NID2: variants seen among roughly 807,000 people sequenced by gnomAD.
NID2 encodes nidogen-2.
A neutral mutation model predicts 145.4 loss-of-function variants in NID2; 83 were observed. The ratio of observed to expected loss-of-function variants is 0.57; its 90% CI spans 0.48 to 0.69. The LOEUF (loss-of-function observed/expected upper bound fraction) is 0.69, where lower values mean the gene tolerates loss of function less well. Ranked by LOEUF, NID2 falls within the 30% of genes least tolerant of loss-of-function variation. NID2 has a pLI of 0.00. For synonymous variants in NID2, 739 were observed against 701.3 expected (o/e 1.05, Z -0.85); for missense variants, 1,807 against 1,765.7 (o/e 1.02, Z -0.42).
At chr14:52,033,346 T>C (rs1032649330) in intron 9 of NID2, among the ~76,000 whole-genome samples, 1 of 152,104 alleles carries the variant, frequency 6.6e-6, no homozygotes, top group Non-Finnish European at 1.5e-5. Context: ...ACCCGTGAAG[T>C]GGAAGGACAG....
At chr14:52,057,556 AGCCGGGTGTGGTGGTGGGC>A (rs1296952623) in intron 3 of NID2, among the ~76,000 whole-genome samples, 1 of 151,748 alleles carries the variant, frequency 6.6e-6, no homozygotes, top group Non-Finnish European at 1.5e-5. Context: ...TACAAAAATT[AGCCGGGTGTGGTGGTGGGC>A]GCCTGTAATC....
chr14:52,062,377 A>T (rs1001828656), intron 2 of NID2, among the ~76,000 whole-genome samples: 2 of 152,226 alleles, frequency 1.3e-5, no homozygotes, highest in African/African-American at 4.8e-5. Flanking sequence ...CAAAAACAAA[A>T]AGCAAGAAAT....
At chr14:52,046,240 G>A (rs1373857042) in intron 5 of NID2, among the ~76,000 whole-genome samples, 2 of 148,018 alleles carry the variant, frequency 1.4e-5, no homozygotes, top group Admixed American at 6.9e-5. Flanking sequence ...GGAGAATGGC[G>A]TGAATCTGGC....
At chr14:52,016,737 A>G (rs71422049) in intron 14 of NID2, among the ~76,000 whole-genome samples, 30,177 of 152,124 alleles carry the variant, frequency 0.2, 3,074 homozygotes, top group Admixed American at 0.23. Context: ...AGCAGCCAGA[A>G]TGGCCCATTT....
At chr14:52,058,775 A>G (rs1021024104) in intron 3 of NID2, among the ~76,000 whole-genome samples, 2 of 152,088 alleles carry the variant, frequency 1.3e-5, no homozygotes, top group African/African-American at 4.8e-5. Context: ...GTGCAGGACC[A>G]GTGTCTTAGA....
chr14:52,045,968 C>G (rs1471214581), intron 5 of NID2, among the ~76,000 whole-genome samples: 1 of 152,158 alleles, frequency 6.6e-6, no homozygotes, highest in Non-Finnish European at 1.5e-5. Flanking sequence ...TGCCAGAAGT[C>G]GCATTTCTTC....
Position 52,038,765 on chromosome 14 carries a change from G to C in NID2, c.2239C>G (p.Gln747Glu). ...ERVLRFAVTN[Q>E]IGPVKEDSDP... ...ACCTTACCTTTGACCGGGCCAATTT[G>C]ATTGGTCACAGCAAATCTAAGCACT... The change falls in exon 9 of 22, where the codon CAA (glutamine) becomes GAA (glutamate). Residue 747 changes from glutamine to glutamate, a missense_variant. Transcript: ENST00000216286. 6.3e-7 allele frequency: 1 copy of C among 1,579,866 alleles called. No individual in the cohort carries two copies. The highest frequency in any genetic ancestry group is 8.6e-7 in the Non-Finnish European group (1 of 1,163,784).
At position 52,014,469 on chromosome 14, in the gene NID2, G is replaced by C; in HGVS notation, c.3251-13C>G. On this transcript the variant is annotated splice_polypyrimidine_tract_variant and intron_variant, in intron 15 of 21. Transcript: ENST00000216286. ...ACGGTGGGTATACCTGTGGGAGAGA[G>C]GGTGGGAGAGCAGGAAGGGGAACAA... 6.3e-7 allele frequency: 1 copy of C among 1,595,288 alleles called. No individual in the cohort carries two copies. Among genetic ancestry groups the C allele is most frequent in the Non-Finnish European group, 8.6e-7 (1 of 1,168,864 alleles).
chr14:52,019,322 CAAAAG>C (rs752994827), intron 13 of NID2, 28 bp from the exon 14 acceptor site: 31 of 1,528,420 alleles, frequency 2.0e-5, no homozygotes, highest in Non-Finnish European at 2.7e-5. Context: ...GAGGAAGACA[CAAAAG>C]AGAAATAGAA....
intron 16 of NID2, 80 bp from the exon 17 acceptor site, chr14:52,011,763 C>A: frequency 6.5e-7 from 1 of 1,531,910 alleles, no homozygotes. Flanking sequence ...TGCTCATGCA[C>A]AGCTGCAGTG....
At chr14:52,013,740 C>T (rs888282837) in intron 16 of NID2, among the ~76,000 whole-genome samples, 21 of 152,148 alleles carry the variant, frequency 1.4e-4, no homozygotes, top group African/African-American at 4.8e-4. Context: ...CCCAGCATCA[C>T]ACACTCCTCA....
intron 3 of NID2, among the ~76,000 whole-genome samples, chr14:52,058,472 C>A (rs1461961201): frequency 6.6e-6 from 1 of 152,186 alleles, no homozygotes; most frequent in Non-Finnish European, 1.5e-5. Context: ...ATATCTTACT[C>A]TGCTTTCGCC....
chr14:52,016,335 T>C (rs1206429684), intron 14 of NID2, among the ~76,000 whole-genome samples: 5 of 152,216 alleles, frequency 3.3e-5, no homozygotes, highest in Non-Finnish European at 5.9e-5. Context: ...CAGAATCACA[T>C]AGCCAATAAC....
chr14:52,036,129 A>G (rs932876240), intron 9 of NID2, among the ~76,000 whole-genome samples: 4 of 151,934 alleles, frequency 2.6e-5, no homozygotes, highest in Admixed American at 2.6e-4. Flanking sequence ...CATTTTCATC[A>G]CCCCCAAAAT....
Position 52,015,070 on chromosome 14 carries a change from T to C in NID2, c.3234A>G (p.Pro1078=), listed in dbSNP as rs1891168482. 6.2e-7 allele frequency: 1 copy of C among 1,613,732 alleles called. No individual in the cohort carries two copies. The highest frequency in any genetic ancestry group is 8.5e-7 in the Non-Finnish European group (1 of 1,179,836). The part of the protein sequence containing the change: ...GREVQGTRSQ[P]GTTPACIPTV... ...GGTGCTTACACGCAGGGGTGGTGCC[T>C]GGCTGGGAGCGGGTGCCCTGCACCT... Residue 1078 remains proline (P), a synonymous_variant, in exon 15 of 22, where the codon CCA becomes CCG. Transcript: ENST00000216286.
intron 2 of NID2, among the ~76,000 whole-genome samples, chr14:52,066,269 G>A (rs1471331094): frequency 6.6e-6 from 1 of 151,766 alleles, no homozygotes; most frequent in Non-Finnish European, 1.5e-5. Flanking sequence ...GGTTACCAGA[G>A]GCTGGGAAGG....
intron 16 of NID2, 178 bp from the exon 17 acceptor site, chr14:52,011,861 G>C: frequency 4.4e-6 from 3 of 682,590 alleles, no homozygotes; most frequent in South Asian, 3.8e-5. Context: ...CAGCCACTTA[G>C]TAGCCATGTG....
chr14:52,038,192 A>G (rs929537331), intron 9 of NID2, among the ~76,000 whole-genome samples: 5 of 152,240 alleles, frequency 3.3e-5, no homozygotes, highest in Non-Finnish European at 7.3e-5. Flanking sequence ...AGGGAAAAGC[A>G]TCCAGTCTTT....
intron 2 of NID2, 23 bp from the exon 3 acceptor site, chr14:52,060,379 AGAGAG>A (rs1323041902): frequency 9.2e-6 from 7 of 759,892 alleles, no homozygotes; most frequent in African/African-American, 8.2e-5. Context: ...AAAAAAAAAA[AGAGAG>A]AGAGAGAGAG....
Sources: gnomAD v4.1 joint callset for allele counts (sites outside exome capture counted in the v4.1 genomes callset) on GRCh38, gnomAD v4.1.1 for gene constraint, MANE v1.5 for transcripts, NCBI Gene and HGNC (gene_info 2026-07-23, HGNC 2026-07-21) for gene names.